Variants in SLCO5A1 observed in about 807,000 individuals in gnomAD.
SLCO5A1 encodes the protein solute carrier organic anion transporter family member 5A1.
Under a neutral mutation model 65.1 loss-of-function variants are expected in SLCO5A1, and 39 were observed. That is an observed-to-expected ratio of 0.60 (90% confidence interval 0.46 to 0.78). The LOEUF (loss-of-function observed/expected upper bound fraction) is 0.78. Among genes scored for constraint, SLCO5A1 ranks in the 30% least tolerant of loss-of-function variants. The probability of loss-of-function intolerance (pLI) is 0.00; values close to 1 mark genes in which losing one functional copy is unlikely to be tolerated. For synonymous variants in SLCO5A1, 438 were observed against 415.7 expected, an observed-to-expected ratio of 1.05 and a Z score of -0.65; for missense variants, 1,029 against 1,069.4, an observed-to-expected ratio of 0.96 and a Z score of 0.53.
At position 69,675,337 on chromosome 8, in the gene SLCO5A1, G is replaced by C. The variant is rs569135861; in HGVS notation, c.2089+1272C>G. On this transcript the variant is annotated intron_variant, in intron 9 of 9. Coordinates refer to ENST00000260126, the MANE Select transcript of SLCO5A1 (RefSeq NM_030958.3). Reference sequence around the variant, plus strand: ...TTACAGGTAGGCACCACCACACCCAGCTAATTTCTTTGTATTTTTAGTAGA... The same window carrying C: ...TTACAGGTAGGCACCACCACACCCACCTAATTTCTTTGTATTTTTAGTAGA... 2.0e-5 allele frequency among the ~76,000 whole-genome samples: 3 copies of C among 151,726 alleles called. No individual in the cohort carries two copies. The South Asian group carries it at 6.3e-4, about 32-fold the overall frequency.
At chr8:69,683,249 G>C (rs1169909036) in intron 6 of SLCO5A1, among the ~76,000 whole-genome samples, 1 of 152,146 alleles carries the variant, frequency 6.6e-6, no homozygotes, top group Non-Finnish European at 1.5e-5. Context: ...TTTTGCTTTT[G>C]TGACCACCAG....
chr8:69,715,114 G>A (rs923178155), intron 5 of SLCO5A1, among the ~76,000 whole-genome samples: 4 of 152,110 alleles, frequency 2.6e-5, no homozygotes, highest in African/African-American at 9.7e-5. Context: ...GCATCCACGC[G>A]ATAAACCCAC....
At chr8:69,697,520 T>C (rs892160847) in intron 6 of SLCO5A1, among the ~76,000 whole-genome samples, 5 of 152,012 alleles carry the variant, frequency 3.3e-5, no homozygotes, top group Admixed American at 3.3e-4. Flanking sequence ...TTAAGTGCCA[T>C]GAGGAAACTA....
rs745789180 is a variant in SLCO5A1 at position 69,831,976 on chromosome 8, T to C, written c.698A>G (p.Asn233Ser). Residue 233 changes from asparagine (N) to serine (S), a missense_variant, in exon 2 of 10, where the codon AAC becomes AGC. By Grantham distance (46) the Asn-to-Ser change is conservative (BLOSUM62 1). Around this residue, in one of 3 missense-constraint regions of SLCO5A1, gnomAD observed 647 missense variants for 647.5 expected, o/e 1.00. Transcript: ENST00000260126. ...GTTGCCACCCTGACACAGGCCGTCGTTGGGGGCCGAGGCGTTCAACTCTTG... is the reference window on the plus strand; with the variant it reads ...GTTGCCACCCTGACACAGGCCGTCGCTGGGGGCCGAGGCGTTCAACTCTTG... ...QIQELNASAPNDGLCQGGNST... is the reference protein window; with the variant it reads ...QIQELNASAPSDGLCQGGNST... 6 of 1,593,590 alleles carry C rather than the reference T, an allele frequency of 3.8e-6. No individual in the cohort carries two copies. The highest frequency in any genetic ancestry group is 2.2e-5 in the East Asian group (1 of 44,782).
At chr8:69,750,182 G>A (rs967989450) in intron 4 of SLCO5A1, among the ~76,000 whole-genome samples, 3 of 152,180 alleles carry the variant, frequency 2.0e-5, no homozygotes, top group Admixed American at 6.5e-5. Flanking sequence ...GGAGACCACA[G>A]AGCTTTGAGC....
intron 5 of SLCO5A1, among the ~76,000 whole-genome samples, chr8:69,718,589 T>C (rs2933032): frequency 0.57 from 87,337 of 152,014 alleles, 25,568 homozygotes; most frequent in South Asian, 0.69. Flanking sequence ...GTAGTTGAGC[T>C]AAAATTCATA....
At chr8:69,706,501 G>C (rs1814975308) in intron 5 of SLCO5A1, among the ~76,000 whole-genome samples, 1 of 152,196 alleles carries the variant, frequency 6.6e-6, no homozygotes, top group African/African-American at 2.4e-5. Flanking sequence ...AGGTGATTAA[G>C]TCACAAGAGT....
intron 6 of SLCO5A1, among the ~76,000 whole-genome samples, chr8:69,688,582 C>T (rs1349337905): frequency 3.8e-5 from 5 of 130,398 alleles, no homozygotes; most frequent in Middle Eastern, 3.9e-3. Context: ...TGAGAACATG[C>T]GGTGTTTGGT....
At chr8:69,749,739 C>CA (rs34565270) in intron 4 of SLCO5A1, among the ~76,000 whole-genome samples, 5,858 of 110,748 alleles carry the variant, frequency 0.053, 344 homozygotes, top group African/African-American at 0.15. Context: ...ATGTAATGGA[C>CA]AAAAAAAAAA....
intron 4 of SLCO5A1, among the ~76,000 whole-genome samples, chr8:69,740,235 T>C (rs1213310090): frequency 6.6e-6 from 1 of 152,236 alleles, no homozygotes; most frequent in Non-Finnish European, 1.5e-5. Context: ...GCTTTCAGCC[T>C]ACAGCCCTCC....
At chr8:69,694,559 G>A (rs1355763945) in intron 6 of SLCO5A1, among the ~76,000 whole-genome samples, 1 of 152,138 alleles carries the variant, frequency 6.6e-6, no homozygotes, top group Non-Finnish European at 1.5e-5. Context: ...ACTGCACAAG[G>A]GCACCCAGCC....
chr8:69,818,345 C>T (rs753662257), intron 2 of SLCO5A1, among the ~76,000 whole-genome samples: 2 of 152,158 alleles, frequency 1.3e-5, no homozygotes, highest in Non-Finnish European at 2.9e-5. Context: ...CAAAATGTGG[C>T]CCTTGGATTA....
intron 2 of SLCO5A1, among the ~76,000 whole-genome samples, chr8:69,816,284 T>A (rs779860376): frequency 8.5e-5 from 13 of 152,134 alleles, no homozygotes; most frequent in Admixed American, 2.0e-4. Context: ...ACAATAAAAA[T>A]TACTCTAGAC....
intron 2 of SLCO5A1, among the ~76,000 whole-genome samples, chr8:69,802,399 G>A (rs1362049060): frequency 6.6e-5 from 10 of 151,900 alleles, no homozygotes; most frequent in Admixed American, 1.3e-4. Context: ...CCAGCTACTC[G>A]GGAGGCGGAG....
At chr8:69,721,810 T>C (rs1251806040) in intron 5 of SLCO5A1, among the ~76,000 whole-genome samples, 1 of 152,170 alleles carries the variant, frequency 6.6e-6, no homozygotes, top group Non-Finnish European at 1.5e-5. Context: ...TTTCAAAGGG[T>C]TTACCCCCTT....
intron 2 of SLCO5A1, among the ~76,000 whole-genome samples, chr8:69,779,155 G>A (rs1054556869): frequency 2.0e-5 from 3 of 152,040 alleles, no homozygotes; most frequent in South Asian, 2.1e-4. Context: ...ATAATAAACC[G>A]TGGCAGTCTT....
At chr8:69,738,598 C>T (rs968325679) in intron 4 of SLCO5A1, among the ~76,000 whole-genome samples, 24 of 152,120 alleles carry the variant, frequency 1.6e-4, no homozygotes, top group African/African-American at 4.6e-4. Flanking sequence ...GCAATGCAGC[C>T]TTAAATTACA....
intron 2 of SLCO5A1, among the ~76,000 whole-genome samples, chr8:69,825,152 C>A (rs904774356): frequency 6.6e-6 from 1 of 152,158 alleles, no homozygotes; most frequent in Non-Finnish European, 1.5e-5. Flanking sequence ...CTATCTCTGA[C>A]AAACCCACAG....
intron 5 of SLCO5A1, among the ~76,000 whole-genome samples, chr8:69,706,413 T>C (rs1048153332): frequency 3.9e-5 from 6 of 152,148 alleles, no homozygotes; most frequent in Admixed American, 6.5e-5. Context: ...ACTGCTGTGG[T>C]CTGAATGTTT....
Sources: allele counts gnomAD v4.1 joint callset (sites outside exome capture counted in the v4.1 genomes callset), GRCh38; gene constraint gnomAD v4.1.1; regional missense constraint gnomAD v4.1.1; transcripts MANE v1.5; gene names NCBI Gene and HGNC (gene_info 2026-07-23, HGNC 2026-07-21).